Variants in ANTXR1 observed in about 807,000 individuals in gnomAD.
ANTXR1 encodes ANTXR cell adhesion molecule 1.
In ANTXR1, 19 loss-of-function variants were observed where a neutral mutation model predicts 78.1. The observed-to-expected ratio is 0.24, with a 90% CI of 0.17 to 0.36. ANTXR1 has a LOEUF of 0.36. Among genes scored for constraint, ANTXR1 ranks in the 10% least tolerant of loss-of-function variants. The probability of loss-of-function intolerance (pLI) is 1.00; values close to 1 mark genes in which losing one functional copy is unlikely to be tolerated. For missense variants in ANTXR1, 518 were observed against 718.6 expected (o/e 0.72, Z 3.19); for synonymous variants, 273 against 260.5 (o/e 1.05, Z -0.46).
chr2:69,135,944 T>G (rs1192017641), intron 12 of ANTXR1, among the ~76,000 whole-genome samples: 2 of 152,164 alleles, frequency 1.3e-5, no homozygotes, highest in African/African-American at 4.8e-5. Flanking sequence ...TTGCGTACAA[T>G]GAAGACTTAT....
At chr2:69,116,184 A>G (rs900111135) in intron 10 of ANTXR1, among the ~76,000 whole-genome samples, 1 of 152,202 alleles carries the variant, frequency 6.6e-6, no homozygotes, top group Non-Finnish European at 1.5e-5. Flanking sequence ...GGCCTGACAC[A>G]TAGTACATTC....
intron 1 of ANTXR1, among the ~76,000 whole-genome samples, chr2:69,035,074 T>G (rs1671641399): frequency 6.6e-6 from 1 of 152,066 alleles, no homozygotes; most frequent in African/African-American, 2.4e-5. Context: ...CAAGGCCAAG[T>G]GCAGGTGAGA....
At chr2:69,053,996 AT>A (rs1310115606) in intron 3 of ANTXR1, among the ~76,000 whole-genome samples, 5 of 152,166 alleles carry the variant, frequency 3.3e-5, no homozygotes, top group Admixed American at 1.3e-4. Context: ...GTATGTACAT[AT>A]ATATGCATAT....
chr2:69,053,424 TC>T (rs781238565), intron 3 of ANTXR1, among the ~76,000 whole-genome samples: 3 of 152,128 alleles, frequency 2.0e-5, no homozygotes, highest in Non-Finnish European at 4.4e-5. Context: ...TTCCTTCACT[TC>T]CCCGCCATCC....
At chr2:69,060,599 A>C (rs1207072256) in intron 3 of ANTXR1, among the ~76,000 whole-genome samples, 2 of 152,228 alleles carry the variant, frequency 1.3e-5, no homozygotes, top group Non-Finnish European at 2.9e-5. Flanking sequence ...GCCATAAAAC[A>C]CAAATCTACT....
chr2:69,205,501 C>A (rs532651188), intron 17 of ANTXR1, among the ~76,000 whole-genome samples: 49 of 152,260 alleles, frequency 3.2e-4, no homozygotes, highest in African/African-American at 1.2e-3. Flanking sequence ...CCGCTTACAG[C>A]CACAAAGTTT....
At chr2:69,195,513 A>T (rs1233900433) in intron 17 of ANTXR1, among the ~76,000 whole-genome samples, 2 of 152,200 alleles carry the variant, frequency 1.3e-5, no homozygotes, top group African/African-American at 4.8e-5. Context: ...GCAAGTAAAA[A>T]CGTGAAACCA....
intron 14 of ANTXR1, chr2:69,172,461 C>T: frequency 6.4e-7 from 1 of 1,560,862 alleles, no homozygotes; most frequent in East Asian, 2.3e-5. Context: ...ATACAATGCT[C>T]TGAAAATCAT....
In ANTXR1 at chr2:69,124,552, G is replaced by A; in HGVS notation, c.873-13G>A. The A allele has an allele frequency of 6.2e-7, 1 of 1,613,692 alleles. No individual in the cohort carries two copies. Among genetic ancestry groups the A allele is most frequent in the Non-Finnish European group, 8.5e-7 (1 of 1,179,608 alleles). ...GCCCTGCTGAGAGTCTGCTTCCCTT[G>A]TTGTCATTGCAGGAAAGCTGCACTC... On this transcript the variant is annotated splice_polypyrimidine_tract_variant and intron_variant, in intron 11 of 17. Coordinates refer to ENST00000303714, the MANE Select transcript of ANTXR1 (RefSeq NM_032208.3).
At chr2:69,088,582 T>G (rs913217713) in intron 8 of ANTXR1, among the ~76,000 whole-genome samples, 1 of 152,128 alleles carries the variant, frequency 6.6e-6, no homozygotes, top group African/African-American at 2.4e-5. Flanking sequence ...TGGCAACCAC[T>G]GGCTGAAGTA....
intron 3 of ANTXR1, among the ~76,000 whole-genome samples, chr2:69,070,012 A>G (rs1670519350): frequency 6.6e-6 from 1 of 152,230 alleles, no homozygotes; most frequent in African/African-American, 2.4e-5. Flanking sequence ...TGGTCCACAA[A>G]GATTCCATTT....
chr2:69,042,416 A>G lies in ANTXR1; in HGVS notation c.224+2301A>G, dbSNP rs115312059. On this transcript the variant is annotated intron_variant, in intron 2 of 17. Coordinates refer to ENST00000303714, the MANE Select transcript of ANTXR1 (RefSeq NM_032208.3). ...TCCTTCCCACTAGTCTCTGAGATCC[A>G]AGTATCCCTCCCATGTAAGGCCAAC... Among the ~76,000 whole-genome samples, 919 of 152,196 alleles carry G rather than the reference A, an allele frequency of 6.0e-3. 3 individuals are homozygous for G. Among genetic ancestry groups the G allele is most frequent in the Middle Eastern group, 0.034 (10 of 294 alleles).
At chr2:69,228,265 C>T (rs1217745465) in intron 17 of ANTXR1, among the ~76,000 whole-genome samples, 1 of 152,128 alleles carries the variant, frequency 6.6e-6, no homozygotes, top group Non-Finnish European at 1.5e-5. Context: ...CACTGAAATC[C>T]TAAAGAAGGA....
At chr2:69,103,055 T>C in intron 10 of ANTXR1, 115 bp downstream of exon 10, 2 of 1,128,140 alleles carry the variant, frequency 1.8e-6, no homozygotes, top group Non-Finnish European at 2.7e-6. Context: ...AGAGTCTTAT[T>C]TGCTGGAAAG....
rs1675999154 is a variant in ANTXR1 at position 69,245,394 on chromosome 2, C to T, written c.1604C>T (p.Ser535Phe). The change falls in exon 18 of 18, where the codon TCC (serine) becomes TTC (phenylalanine). Residue 535 changes from serine (S) to phenylalanine (F), a missense_variant. Physicochemically the swap from Ser to Phe is radical, Grantham distance 155. Transcript: ENST00000303714. ...PPSAPTPPIP[S>F]PPSTLPPPPQ... ...AGCGCCCCTACCCCTCCCATCCCGTCCCCACCTTCCACCCTTCCCCCTCCT... is the reference window on the plus strand; with the variant it reads ...AGCGCCCCTACCCCTCCCATCCCGTTCCCACCTTCCACCCTTCCCCCTCCT... 5 of 1,542,160 alleles carry T rather than the reference C, an allele frequency of 3.2e-6. No individual in the cohort carries two copies. The highest frequency in any genetic ancestry group is 3.5e-6 in the Non-Finnish European group (4 of 1,143,144).
intron 16 of ANTXR1, among the ~76,000 whole-genome samples, chr2:69,190,565 A>ATAGC (rs912832972): frequency 2.0e-5 from 3 of 152,232 alleles, no homozygotes; most frequent in African/African-American, 7.2e-5. Flanking sequence ...TTTAAGTCTT[A>ATAGC]TAGCAAGTCT....
At chr2:69,071,628 G>A in intron 4 of ANTXR1, 126 bp from the exon 5 acceptor site, 1 of 915,768 alleles carries the variant, frequency 1.1e-6, no homozygotes, top group Admixed American at 1.9e-5. Flanking sequence ...CAAAGCCTGG[G>A]TGAATTACAT....
At chr2:69,106,106 C>T (rs1671802698) in intron 10 of ANTXR1, among the ~76,000 whole-genome samples, 2 of 152,180 alleles carry the variant, frequency 1.3e-5, no homozygotes, top group South Asian at 2.1e-4. Flanking sequence ...CTGTGAACAA[C>T]TTTGCAAATT....
chr2:69,064,043 T>C (rs371623831), intron 3 of ANTXR1, among the ~76,000 whole-genome samples: 1 of 152,074 alleles, frequency 6.6e-6, no homozygotes, highest in African/African-American at 2.4e-5. Flanking sequence ...AATAGCAAGA[T>C]AGCAAGATGG....
Sources: gnomAD v4.1 joint callset for allele counts (sites outside exome capture counted in the v4.1 genomes callset) on GRCh38, gnomAD v4.1.1 for gene constraint, MANE v1.5 for transcripts, NCBI Gene and HGNC (gene_info 2026-07-23, HGNC 2026-07-21) for gene names.